The following EHD3 variants were observed in gnomAD, a reference collection of about 807,000 sequenced individuals.
The protein encoded by EHD3 is EH domain-containing protein 3.
EHD3 carries 17 observed loss-of-function variants against 43.0 expected under a neutral mutation model. That is an observed-to-expected ratio of 0.40 (90% confidence interval 0.27 to 0.59). The LOEUF is 0.59. EHD3 is among the 20% of genes least tolerant of loss of function. The pLI, the probability that EHD3 is intolerant of heterozygous loss-of-function variation, is 0.49. For synonymous variants in EHD3, 313 were observed against 289.5 expected, an observed-to-expected ratio of 1.08 and a Z score of -0.82; for missense variants, 594 against 705.6, an observed-to-expected ratio of 0.84 and a Z score of 1.79.
rs1683977774 is a variant in EHD3, at chr2:31,267,498, AG to A, written c.*795del. 1 of 152,618 alleles carries A rather than the reference AG, an allele frequency of 6.6e-6. No individual in the cohort carries two copies. Among genetic ancestry groups the A allele is most frequent in the Non-Finnish European group, 1.5e-5 (1 of 68,030 alleles). 9.5% of individuals were successfully genotyped at this position (152,618 alleles called of 1,614,324 possible). A position where few individuals can be genotyped will look rare whatever the true frequency, so the allele number is the denominator to read the frequency against. On this transcript the variant is annotated 3_prime_UTR_variant, in exon 6 of 6. Transcript: ENST00000322054. ...GTTCATACTTGACTCACATTTACCC[AG>A]CCCCTCCTGCGTACCAGGAGCTGTG...
At chr2:31,236,172 C>T (rs1176330220) in intron 1 of EHD3, among the ~76,000 whole-genome samples, 1 of 152,204 alleles carries the variant, frequency 6.6e-6, no homozygotes, top group East Asian at 1.9e-4. Flanking sequence ...GAAGTAGCAC[C>T]ATGCTAATAG....
rs1484205572 is a variant in EHD3, at chr2:31,268,283, A to G, written c.*1579A>G. 2.0e-5 allele frequency: 3 copies of G among 152,688 alleles called. No individual in the cohort carries two copies. Among genetic ancestry groups the G allele is most frequent in the East Asian group, 3.8e-4 (2 of 5,204 alleles). The allele number at this position is 152,688 out of a possible 1,614,324, so 9.5% of individuals were successfully genotyped here. ...AAACAAAATGAGTATAACTTATTTTATATCCATATTCAGACTATATAGAGA... is the reference window on the plus strand; with the variant it reads ...AAACAAAATGAGTATAACTTATTTTGTATCCATATTCAGACTATATAGAGA... On this transcript the variant is annotated 3_prime_UTR_variant, in exon 6 of 6. Coordinates refer to ENST00000322054, the MANE Select transcript of EHD3 (RefSeq NM_014600.3).
At chr2:31,241,070 A>T (rs1290332926) in intron 1 of EHD3, among the ~76,000 whole-genome samples, 3 of 152,204 alleles carry the variant, frequency 2.0e-5, no homozygotes, top group Admixed American at 2.0e-4. Context: ...TGATCATATG[A>T]TAGCAGCAGC....
intron 3 of EHD3, among the ~76,000 whole-genome samples, chr2:31,255,054 C>A (rs1683724323): frequency 6.6e-6 from 1 of 152,204 alleles, no homozygotes; most frequent in East Asian, 1.9e-4. Context: ...CCTGGCATTA[C>A]TTCAAAGTGC....
Position 31,244,388 on chromosome 2 carries a change from G to A in EHD3, c.342G>A (p.Leu114=), listed in dbSNP as rs747703308. The A allele has an allele frequency of 3.7e-6, 6 of 1,614,196 alleles. No homozygotes were observed. In the East Asian group the frequency reaches 1.1e-4, roughly 30 times the overall value. The change falls in exon 2 of 6, where the codon CTG becomes CTA. Residue 114 remains leucine, a synonymous_variant. Coordinates refer to ENST00000322054, the MANE Select transcript of EHD3 (RefSeq NM_014600.3). ...AGGGGATCATCCCTGGGAACGCCCT[G>A]GTGGTGGATCCCAAGAAACCCTTCA... ...DMEGIIPGNA[L]VVDPKKPFRK... is the part of the protein sequence containing the mutation.
At chr2:31,265,705 AG>A (rs1425613400) in intron 5 of EHD3, among the ~76,000 whole-genome samples, 1 of 152,122 alleles carries the variant, frequency 6.6e-6, no homozygotes, top group Non-Finnish European at 1.5e-5. Flanking sequence ...GGAGTGAACG[AG>A]GTAATGTAGT....
At position 31,234,761 on chromosome 2, in the gene EHD3, C is replaced by T. The variant is rs1177961705; in HGVS notation, c.140C>T (p.Ser47Leu). Residue 47 changes from serine to leucine, a missense_variant, in exon 1 of 6, where the codon TCG becomes TTG. This residue lies in a region of EHD3 where 243 missense variants were observed against 296.7 expected (regional missense o/e 0.82). Transcript: ENST00000322054. ...EEHYRFHEFH[S>L]PALEDADFDN... ...CATTACCGCTTCCACGAGTTCCACTCGCCCGCCCTGGAGGATGCCGACTTC... is the reference window on the plus strand; with the variant it reads ...CATTACCGCTTCCACGAGTTCCACTTGCCCGCCCTGGAGGATGCCGACTTC... 3.1e-6 allele frequency: 5 copies of T among 1,614,200 alleles called. No homozygotes were observed. The highest frequency in any genetic ancestry group is 1.3e-5 in the African/African-American group (1 of 75,048).
chr2:31,253,140 ACCT>A (rs772202199), intron 3 of EHD3, among the ~76,000 whole-genome samples: 1 of 120,924 alleles, frequency 8.3e-6, no homozygotes, highest in Admixed American at 9.2e-5. Context: ...CCCCACCCAT[ACCT>A]CCTTTTACGC....
chr2:31,239,745 C>G (rs1036699639), intron 1 of EHD3, among the ~76,000 whole-genome samples: 1 of 152,194 alleles, frequency 6.6e-6, no homozygotes, highest in East Asian at 1.9e-4. Context: ...CATTACTGAC[C>G]GGATTCGGGG....
Position 31,260,200 on chromosome 2 carries a change from C to CA in EHD3, c.503-300dup, listed in dbSNP as rs1306007781. Among the ~76,000 whole-genome samples the CA allele has an allele frequency of 2.6e-3, 385 of 146,984 alleles. 2 individuals carry two copies. Among genetic ancestry groups the CA allele is most frequent in the African/African-American group, 8.4e-3 (339 of 40,160 alleles). On this transcript the variant is annotated intron_variant, in intron 3 of 5. Coordinates refer to ENST00000322054, the MANE Select transcript of EHD3 (RefSeq NM_014600.3). This position sits in a 1 kb window ranked among gnomAD's most constrained non-coding sequence, Gnocchi z 4.6. ...TGGGTGAGAGAGCAAGACTCCGTCT[C>CA]AAAAAAAAAAGTAACTAGCATTTAC...
At chr2:31,236,210 A>C (rs1683321296) in intron 1 of EHD3, among the ~76,000 whole-genome samples, 1 of 152,168 alleles carries the variant, frequency 6.6e-6, no homozygotes, top group South Asian at 2.1e-4. Flanking sequence ...CACCACATTG[A>C]GTTTGTCCTT....
At position 31,261,632 on chromosome 2, in the gene EHD3, C is replaced by T; in HGVS notation, c.999C>T (p.Asn333=). The part of the protein sequence containing the change: ...GKDNKKKELV[N]NLAEIYGRIE... ...ACAACAAGAAGAAGGAGCTGGTCAA[C>T]AACCTGGCCGAGATCTATGGCCGGA... The change falls in exon 5 of 6, where the codon AAC becomes AAT. Residue 333 remains asparagine (N), a synonymous_variant. Coordinates refer to ENST00000322054, the MANE Select transcript of EHD3 (RefSeq NM_014600.3). The T allele has an allele frequency of 1.2e-6, 2 of 1,614,242 alleles. No homozygotes were observed. The highest frequency in any genetic ancestry group is 2.2e-5 in the East Asian group (1 of 44,884).
chr2:31,245,553 A>ATATATT (rs1446415610), intron 2 of EHD3, among the ~76,000 whole-genome samples: 44 of 35,060 alleles, frequency 1.3e-3, no homozygotes, highest in African/African-American at 3.8e-3. Flanking sequence ...ATATATATAT[A>ATATATT]TTTTTTTTTT....
chr2:31,254,037 C>T (rs2148720590), intron 3 of EHD3, among the ~76,000 whole-genome samples: 1 of 152,256 alleles, frequency 6.6e-6, no homozygotes, highest in Admixed American at 6.5e-5. Flanking sequence ...GCTTTGTGCT[C>T]ACATCACAGA....
intron 1 of EHD3, among the ~76,000 whole-genome samples, chr2:31,240,814 C>T (rs969283839): frequency 2.6e-5 from 4 of 152,176 alleles, no homozygotes; most frequent in African/African-American, 9.7e-5. Flanking sequence ...TTTCAGCCCT[C>T]TCTATTTCAG....
intron 2 of EHD3, among the ~76,000 whole-genome samples, chr2:31,245,801 G>A (rs1450851346): frequency 2.2e-5 from 3 of 133,882 alleles, no homozygotes; most frequent in South Asian, 2.4e-4. Flanking sequence ...GGCTGGTCTC[G>A]AACTCCCAAC....
At chr2:31,239,752 G>A (rs190464560) in intron 1 of EHD3, among the ~76,000 whole-genome samples, 4 of 152,320 alleles carry the variant, frequency 2.6e-5, no homozygotes, top group East Asian at 3.9e-4. Context: ...GACCGGATTC[G>A]GGGTGGGGAG....
intron 5 of EHD3, 116 bp downstream of exon 5, chr2:31,261,829 T>C: frequency 7.9e-7 from 1 of 1,260,774 alleles, no homozygotes; most frequent in Non-Finnish European, 1.1e-6. Flanking sequence ...GCCCAGAATC[T>C]GCAGGCAAGG....
In EHD3 at chr2:31,267,923, A is replaced by T. The variant is rs934528989; in HGVS notation, c.*1219A>T. 5.3e-5 allele frequency: 8 copies of T among 152,244 alleles called. No homozygotes were observed. Among genetic ancestry groups the T allele is most frequent in the Admixed American group, 4.6e-4 (7 of 15,280 alleles). 9.4% of individuals were successfully genotyped at this position (152,244 alleles called of 1,614,324 possible). A position where few individuals can be genotyped will look rare whatever the true frequency, so the allele number is the denominator to read the frequency against. Reference sequence around the variant, plus strand: ...TGGCTCTGCGCCCCATATTCCCAGCATCATAGACATCCAACAGCACCAGCA... The same window carrying T: ...TGGCTCTGCGCCCCATATTCCCAGCTTCATAGACATCCAACAGCACCAGCA... On this transcript the variant is annotated 3_prime_UTR_variant, in exon 6 of 6. Transcript: ENST00000322054.
Sources: gnomAD v4.1 joint callset for allele counts (sites outside exome capture counted in the v4.1 genomes callset) on GRCh38, gnomAD v4.1.1 for gene constraint, gnomAD v4.1.1 regional missense constraint, Gnocchi (gnomAD v3.1) non-coding constraint, MANE v1.5 for transcripts, NCBI Gene and HGNC (gene_info 2026-07-23, HGNC 2026-07-21) for gene names.